YAP1: variants seen among roughly 807,000 people sequenced by gnomAD.
YAP1 encodes Yes1 associated transcriptional regulator.
Under a neutral mutation model 56.9 loss-of-function variants are expected in YAP1, and 5 were observed. The ratio of observed to expected loss-of-function variants is 0.09; its 90% CI spans 0.05 to 0.18. The LOEUF is 0.18. Among genes scored for constraint, YAP1 ranks in the 10% least tolerant of loss-of-function variants. YAP1 has a pLI of 1.00. For synonymous variants in YAP1, 265 were observed against 248.1 expected, an observed-to-expected ratio of 1.07 and a Z score of -0.64; for missense variants, 539 against 651.8, an observed-to-expected ratio of 0.83 and a Z score of 1.88.
At chr11:102,124,447 C>T (rs1943905671) in intron 2 of YAP1, among the ~76,000 whole-genome samples, 1 of 152,050 alleles carries the variant, frequency 6.6e-6, no homozygotes, top group Non-Finnish European at 1.5e-5. Flanking sequence ...TGGATGATGC[C>T]CCTCAAGATT....
At chr11:102,179,250 T>C (rs1947444103) in intron 3 of YAP1, among the ~76,000 whole-genome samples, 2 of 152,126 alleles carry the variant, frequency 1.3e-5, no homozygotes, top group Non-Finnish European at 1.5e-5. Flanking sequence ...TTGGTATTGG[T>C]GGTCAGGCAT....
intron 2 of YAP1, among the ~76,000 whole-genome samples, chr11:102,136,035 G>A (rs190258939): frequency 6.6e-6 from 1 of 152,158 alleles, no homozygotes; most frequent in Admixed American, 6.5e-5. Flanking sequence ...GGATTTCTCT[G>A]TGTACATACA....
At chr11:102,182,259 ATATT>A (rs1438891693) in intron 3 of YAP1, among the ~76,000 whole-genome samples, 1 of 152,230 alleles carries the variant, frequency 6.6e-6, no homozygotes, top group African/African-American at 2.4e-5. Context: ...ATTCTGATGA[ATATT>A]TATAGCACAT....
chr11:102,193,151 G>T (rs1037202829), intron 4 of YAP1, among the ~76,000 whole-genome samples: 1 of 152,204 alleles, frequency 6.6e-6, no homozygotes, highest in East Asian at 1.9e-4. Flanking sequence ...TCCAGGCCAT[G>T]TGCTTAGCAA....
intron 2 of YAP1, among the ~76,000 whole-genome samples, chr11:102,114,962 G>C (rs1943187978): frequency 6.6e-6 from 1 of 152,142 alleles, no homozygotes; most frequent in South Asian, 2.1e-4. Flanking sequence ...AAAATTTTTA[G>C]GTTTCATATG....
At chr11:102,137,129 G>A (rs1944719434) in intron 2 of YAP1, among the ~76,000 whole-genome samples, 1 of 152,178 alleles carries the variant, frequency 6.6e-6, no homozygotes, top group African/African-American at 2.4e-5. Flanking sequence ...TAATGTAAAT[G>A]TTTCTATAAT....
chr11:102,175,369 C>T (rs1272713547), intron 3 of YAP1, among the ~76,000 whole-genome samples: 3 of 152,140 alleles, frequency 2.0e-5, no homozygotes, highest in African/African-American at 7.2e-5. Flanking sequence ...CACTGCACTC[C>T]AGCCTGGGTG....
rs150630353 is a variant in YAP1 at position 102,187,933 on chromosome 11, G to T, written c.802+1802G>T. Among the ~76,000 whole-genome samples, 262 of 152,314 alleles carry T rather than the reference G, an allele frequency of 1.7e-3. 1 individual carries two copies. The highest frequency in any genetic ancestry group is 2.8e-3 in the Non-Finnish European group (192 of 68,024). On this transcript the variant is annotated intron_variant, in intron 4 of 8. Coordinates refer to ENST00000282441, the MANE Select transcript of YAP1 (RefSeq NM_001130145.3). Reference sequence around the variant, plus strand: ...CCCACCGTGTGTGTATTCCAGACAGGCTTGACAATATGCCAGAGCTTTTTA... The same window carrying T: ...CCCACCGTGTGTGTATTCCAGACAGTCTTGACAATATGCCAGAGCTTTTTA...
intron 4 of YAP1, among the ~76,000 whole-genome samples, chr11:102,187,182 A>G (rs1301872602): frequency 2.0e-5 from 3 of 152,182 alleles, no homozygotes; most frequent in Admixed American, 2.0e-4. Flanking sequence ...TCCATCGGGA[A>G]TATTATGAGC....
At chr11:102,116,227 T>A (rs771932110) in intron 2 of YAP1, among the ~76,000 whole-genome samples, 3 of 152,230 alleles carry the variant, frequency 2.0e-5, no homozygotes, top group Non-Finnish European at 4.4e-5. Flanking sequence ...TGTCATTATT[T>A]CCTAAATAAT....
chr11:102,127,831 C>T (rs997180710), intron 2 of YAP1, among the ~76,000 whole-genome samples: 1 of 152,192 alleles, frequency 6.6e-6, no homozygotes, highest in African/African-American at 2.4e-5. Context: ...CGGAGCTGCC[C>T]AAGACCATGG....
At chr11:102,202,638 A>G (rs1311583090) in intron 4 of YAP1, among the ~76,000 whole-genome samples, 1 of 152,274 alleles carries the variant, frequency 6.6e-6, no homozygotes, top group East Asian at 1.9e-4. Context: ...TTAATATGGG[A>G]AAATTCTTAT....
At chr11:102,213,312 CG>C (rs1949500362) in intron 6 of YAP1, among the ~76,000 whole-genome samples, 1 of 151,986 alleles carries the variant, frequency 6.6e-6, no homozygotes, top group Non-Finnish European at 1.5e-5. Flanking sequence ...TGGTGAAACC[CG>C]TCTCTACTAA....
At chr11:102,122,888 C>CTA (rs1943754273) in intron 2 of YAP1, among the ~76,000 whole-genome samples, 1 of 40,110 alleles carries the variant, frequency 2.5e-5, no homozygotes, top group Non-Finnish European at 4.4e-5. Context: ...AAGAGCGAGA[C>CTA]TTCTCTCAAA....
intron 2 of YAP1, among the ~76,000 whole-genome samples, chr11:102,158,779 G>T (rs574731067): frequency 2.8e-4 from 42 of 152,202 alleles, no homozygotes; most frequent in Non-Finnish European, 5.0e-4. Flanking sequence ...TTGAAGATAG[G>T]TATAAGAAAG....
intron 3 of YAP1, among the ~76,000 whole-genome samples, chr11:102,176,508 G>A (rs182110830): frequency 0.013 from 1,958 of 152,080 alleles, 41 homozygotes; most frequent in African/African-American, 0.044. Flanking sequence ...AGCACTTTGG[G>A]AGGCAATGTG....
At chr11:102,122,895 C>CAAAAAAAAAAAAAAAAAAAAA (rs56934997) in intron 2 of YAP1, among the ~76,000 whole-genome samples, 37 of 79,454 alleles carry the variant, frequency 4.7e-4, no homozygotes, top group African/African-American at 5.6e-4. Flanking sequence ...AGACTTCTCT[C>CAAAAAAAAAAAAAAAAAAAAA]AAAAAAAAAA....
intron 4 of YAP1, among the ~76,000 whole-genome samples, chr11:102,194,198 C>G (rs193276546): frequency 6.6e-6 from 1 of 152,310 alleles, no homozygotes; most frequent in East Asian, 1.9e-4. Context: ...AAAAGAGGAA[C>G]CATTTGGTGT....
intron 2 of YAP1, among the ~76,000 whole-genome samples, chr11:102,142,023 G>T (rs1003061537): frequency 6.6e-6 from 1 of 152,188 alleles, no homozygotes; most frequent in African/African-American, 2.4e-5. Context: ...ATTTTCTAGT[G>T]TGATAACATT....
Sources: allele counts gnomAD v4.1 joint callset (sites outside exome capture counted in the v4.1 genomes callset), GRCh38; gene constraint gnomAD v4.1.1; transcripts MANE v1.5; gene names NCBI Gene and HGNC (gene_info 2026-07-23, HGNC 2026-07-21).